ANKRD33B: variants seen among roughly 807,000 people sequenced by gnomAD.
ANKRD33B encodes ankyrin repeat domain-containing protein 33B.
In ANKRD33B, 6 loss-of-function variants were observed where a neutral mutation model predicts 21.5. That is an observed-to-expected ratio of 0.28 (90% CI 0.15 to 0.55). The LOEUF is 0.55. Among genes scored for constraint, ANKRD33B ranks in the 20% least tolerant of loss-of-function variants. The pLI is 0.94. For missense variants in ANKRD33B, 698 were observed against 747.2 expected, an observed-to-expected ratio of 0.93 and a Z score of 0.77; for synonymous variants, 347 against 342.4, an observed-to-expected ratio of 1.01 and a Z score of -0.15.
chr5:10,569,597 A>AAAATAAATAAAT (rs56346529), intron 1 of ANKRD33B, among the ~76,000 whole-genome samples: 2,808 of 148,388 alleles, frequency 0.019, 69 homozygotes, highest in African/African-American at 0.057. Context: ...CCCGTGTTTG[A>AAAATAAATAAAT]AAATAAATAA....
chr5:10,575,683 G>A (rs773813608), intron 1 of ANKRD33B, among the ~76,000 whole-genome samples: 19 of 152,094 alleles, frequency 1.2e-4, no homozygotes, highest in Non-Finnish European at 2.2e-4. Context: ...CAGGGACACC[G>A]ACTTACCCTT....
chr5:10,638,209 A>G, intron 3 of ANKRD33B, 41 bp downstream of exon 3: 1 of 1,526,262 alleles, frequency 6.6e-7, no homozygotes, highest in Non-Finnish European at 8.8e-7. Context: ...GGGCCCTGGG[A>G]CACCAGAGTT....
chr5:10,635,507 C>T (rs893865956), intron 2 of ANKRD33B, among the ~76,000 whole-genome samples: 18 of 152,198 alleles, frequency 1.2e-4, no homozygotes, highest in African/African-American at 3.6e-4. Flanking sequence ...GCGAGGGGAT[C>T]GTACCCTTTG....
At chr5:10,604,209 T>C (rs1352603231) in intron 1 of ANKRD33B, among the ~76,000 whole-genome samples, 1 of 138,542 alleles carries the variant, frequency 7.2e-6, no homozygotes, top group African/African-American at 2.8e-5. Flanking sequence ...TTTTTTTTTT[T>C]CAGACAGAGT....
chr5:10,629,338 G>C (rs1579746237), intron 2 of ANKRD33B, among the ~76,000 whole-genome samples: 1 of 152,266 alleles, frequency 6.6e-6, no homozygotes, highest in East Asian at 1.9e-4. Flanking sequence ...TGCCTATGCT[G>C]GTCTCAAATT....
chr5:10,615,695 A>G (rs954181703), intron 1 of ANKRD33B, among the ~76,000 whole-genome samples: 4 of 152,238 alleles, frequency 2.6e-5, no homozygotes, highest in African/African-American at 9.7e-5. Context: ...AATATGAATT[A>G]CTTGTGTAAT....
At chr5:10,620,570 C>T (rs1461567890) in intron 2 of ANKRD33B, among the ~76,000 whole-genome samples, 1 of 152,178 alleles carries the variant, frequency 6.6e-6, no homozygotes, top group African/African-American at 2.4e-5. Context: ...TGCCAGAGCT[C>T]TTTGTGCGTT....
chr5:10,570,510 T>A (rs1413934311), intron 1 of ANKRD33B, among the ~76,000 whole-genome samples: 3 of 151,872 alleles, frequency 2.0e-5, no homozygotes, highest in African/African-American at 7.2e-5. Context: ...TGCTTCAGCT[T>A]GGCTGAAGCA....
chr5:10,635,782 G>A (rs1400374070), intron 2 of ANKRD33B, among the ~76,000 whole-genome samples: 2 of 152,224 alleles, frequency 1.3e-5, no homozygotes, highest in Non-Finnish European at 2.9e-5. Context: ...TTCCAACCCC[G>A]GCAGTACTAT....
At chr5:10,598,728 A>G (rs1008728066) in intron 1 of ANKRD33B, among the ~76,000 whole-genome samples, 2 of 152,106 alleles carry the variant, frequency 1.3e-5, no homozygotes, top group African/African-American at 4.8e-5. Context: ...GGCATTAGCT[A>G]CTACACCTGG....
chr5:10,630,019 G>A (rs140913619), intron 2 of ANKRD33B, among the ~76,000 whole-genome samples: 24 of 152,008 alleles, frequency 1.6e-4, no homozygotes, highest in African/African-American at 4.8e-4. Context: ...GGACTGAAGC[G>A]GAGTTGAATG....
At chr5:10,644,676 C>T (rs1219785974) in intron 3 of ANKRD33B, among the ~76,000 whole-genome samples, 1 of 152,206 alleles carries the variant, frequency 6.6e-6, no homozygotes, top group African/African-American at 2.4e-5. Context: ...CAGATGATTT[C>T]CAACCATATA....
rs571484514 is a variant in ANKRD33B at position 10,576,248 on chromosome 5, G to A, written c.366+11415G>A. ...GATTGAATTTTGGACATGAAAGCAG[G>A]GTCAGACCTAGTTATTAATAGGTGG... On this transcript the variant is annotated intron_variant, in intron 1 of 3. Transcript: ENST00000296657. This position sits in a 1 kb window ranked among gnomAD's most constrained non-coding sequence, Gnocchi z 4.1. 2.0e-5 allele frequency among the ~76,000 whole-genome samples: 3 copies of A among 152,100 alleles called. No individual in the cohort carries two copies. The highest frequency in any genetic ancestry group is 2.9e-5 in the Non-Finnish European group (2 of 68,030).
chr5:10,576,655 G>A lies in ANKRD33B; in HGVS notation c.366+11822G>A, dbSNP rs6897378. On this transcript the variant is annotated intron_variant, in intron 1 of 3. Transcript: ENST00000296657. The surrounding 1 kb of genome is among the most constrained non-coding windows in gnomAD (Gnocchi z 4.1). ...GTGCTTGTGCTGTAATAGACACTCAGTAAACAGAGCTGTTGTTTCTATGGG... is the reference window on the plus strand; with the variant it reads ...GTGCTTGTGCTGTAATAGACACTCAATAAACAGAGCTGTTGTTTCTATGGG... Among the ~76,000 whole-genome samples, 109 of 152,340 alleles carry A rather than the reference G, an allele frequency of 7.2e-4. 2 individuals carry two copies. Among genetic ancestry groups the A allele is most frequent in the African/African-American group, 2.6e-3 (109 of 41,580 alleles).
At chr5:10,586,824 T>G (rs899584263) in intron 1 of ANKRD33B, among the ~76,000 whole-genome samples, 3 of 152,050 alleles carry the variant, frequency 2.0e-5, no homozygotes, top group East Asian at 3.9e-4. Flanking sequence ...TTCTGAAACA[T>G]TTACATAGAC....
chr5:10,627,332 G>A (rs1736575816), intron 2 of ANKRD33B: 1 of 152,262 alleles, frequency 6.6e-6, no homozygotes, highest in Admixed American at 6.5e-5. Context: ...GTAAAGTGAG[G>A]AAACGCCAGG....
intron 2 of ANKRD33B, chr5:10,625,318 C>T (rs1736520678): frequency 6.3e-6 from 1 of 159,018 alleles, no homozygotes; most frequent in South Asian, 1.7e-4. Flanking sequence ...GAAAAAGATC[C>T]CTTCTCTGTC....
At chr5:10,632,328 C>A (rs549386313) in intron 2 of ANKRD33B, among the ~76,000 whole-genome samples, 37 of 152,188 alleles carry the variant, frequency 2.4e-4, no homozygotes, top group South Asian at 8.3e-4. Context: ...ACATTTTCCC[C>A]ATGGGGCCTG....
chr5:10,574,765 T>C (rs1166277247), intron 1 of ANKRD33B, among the ~76,000 whole-genome samples: 1 of 152,012 alleles, frequency 6.6e-6, no homozygotes, highest in African/African-American at 2.4e-5. Context: ...AAAGAGATCC[T>C]GTAAGAATGT....
Sources: gnomAD v4.1 joint callset for allele counts (sites outside exome capture counted in the v4.1 genomes callset) on GRCh38, gnomAD v4.1.1 for gene constraint, Gnocchi (gnomAD v3.1) non-coding constraint, MANE v1.5 for transcripts, NCBI Gene and HGNC (gene_info 2026-07-23, HGNC 2026-07-21) for gene names.